The following TUSC3 variants were observed in gnomAD, a reference collection of about 807,000 sequenced individuals.
TUSC3 encodes dolichyl-diphosphooligosaccharide--protein glycosyltransferase subunit TUSC3.
Under a neutral mutation model 44.8 loss-of-function variants are expected in TUSC3, and 45 were observed. The ratio of observed to expected loss-of-function variants is 1.00; its 90% CI spans 0.79 to 1.29. TUSC3 has a LOEUF of 1.29. Among genes scored for constraint, TUSC3 ranks in the 50% most tolerant of loss-of-function variants. The pLI, the probability that TUSC3 is intolerant of heterozygous loss-of-function variation, is 0.00. For synonymous variants in TUSC3, 212 were observed against 152.9 expected, an observed-to-expected ratio of 1.39 and a Z score of -2.85; for missense variants, 519 against 437.9, an observed-to-expected ratio of 1.19 and a Z score of -1.65.
chr8:15,619,869 G>A (rs955175632), intron 1 of TUSC3, among the ~76,000 whole-genome samples: 5 of 152,084 alleles, frequency 3.3e-5, no homozygotes, highest in Non-Finnish European at 7.4e-5. Flanking sequence ...ATAGATCAAG[G>A]ATAATGGACA....
At chr8:15,687,252 T>A (rs1336556120) in intron 6 of TUSC3, among the ~76,000 whole-genome samples, 1 of 152,192 alleles carries the variant, frequency 6.6e-6, no homozygotes, top group Non-Finnish European at 1.5e-5. Flanking sequence ...GTAGTACAGA[T>A]ACATCATGCA....
At chr8:15,432,861 C>G (rs763994533) in intron 1 of TUSC3, among the ~76,000 whole-genome samples, 8 of 152,124 alleles carry the variant, frequency 5.3e-5, no homozygotes, top group South Asian at 2.1e-4. Flanking sequence ...TTCCTCTCTC[C>G]CAGGTCAGTT....
chr8:15,731,101 T>A lies in TUSC3; in HGVS notation c.862+372T>A, dbSNP rs181292439. Among the ~76,000 whole-genome samples, 1,293 of 152,232 alleles carry A rather than the reference T, an allele frequency of 8.5e-3. 10 individuals are homozygous for A. The highest frequency in any genetic ancestry group is 0.024 in the Middle Eastern group (7 of 294). Reference sequence around the variant, plus strand: ...CAGCTTAAAAAAGGTATTTTCGTACTGCTCCCCTTAAATATATGGTATGTC... The same window carrying A: ...CAGCTTAAAAAAGGTATTTTCGTACAGCTCCCCTTAAATATATGGTATGTC... On this transcript the variant is annotated intron_variant, in intron 7 of 10. Coordinates refer to ENST00000503731, the MANE Select transcript of TUSC3 (RefSeq NM_006765.4).
intron 2 of TUSC3, among the ~76,000 whole-genome samples, chr8:15,641,186 CCT>C (rs1355857560): frequency 6.6e-6 from 1 of 151,746 alleles, no homozygotes. Context: ...TGGTGAAACC[CCT>C]GTCTCTACCA....
the TUSC3 span, among the ~76,000 whole-genome samples, chr8:15,774,806 A>G: frequency 6.6e-6 from 1 of 152,068 alleles, no homozygotes; most frequent in Non-Finnish European, 1.5e-5. Flanking sequence ...CACACCCATC[A>G]GAATGTATTT....
chr8:15,763,695 ATC>A (rs1458097669), intron 10 of TUSC3, among the ~76,000 whole-genome samples: 1 of 152,116 alleles, frequency 6.6e-6, no homozygotes, highest in Non-Finnish European at 1.5e-5. Flanking sequence ...ATGTACAAGT[ATC>A]TCTGCTGATG....
intron 1 of TUSC3, among the ~76,000 whole-genome samples, chr8:15,445,891 C>T (rs555490114): frequency 8.3e-4 from 125 of 150,062 alleles, no homozygotes; most frequent in African/African-American, 2.7e-3. Context: ...ACTTCCCAGA[C>T]GGGGCGGCCG....
chr8:15,556,725 G>C (rs1330491880), intron 1 of TUSC3, among the ~76,000 whole-genome samples: 2 of 143,962 alleles, frequency 1.4e-5, no homozygotes, highest in African/African-American at 5.1e-5. Flanking sequence ...ATCTCATTGT[G>C]GTTTTGATTT....
intron 6 of TUSC3, among the ~76,000 whole-genome samples, chr8:15,698,397 A>C (rs966834212): frequency 1.3e-5 from 2 of 152,190 alleles, no homozygotes; most frequent in African/African-American, 4.8e-5. Context: ...ATAAGTATTA[A>C]CTATATATTG....
chr8:15,704,665 C>G (rs975556873), intron 6 of TUSC3, among the ~76,000 whole-genome samples: 14 of 151,802 alleles, frequency 9.2e-5, no homozygotes, highest in African/African-American at 3.1e-4. Flanking sequence ...TTTCTCTTTC[C>G]TAACCCACTG....
intron 1 of TUSC3, among the ~76,000 whole-genome samples, chr8:15,589,723 A>G (rs781533327): frequency 6.6e-5 from 10 of 152,248 alleles, no homozygotes; most frequent in African/African-American, 9.6e-5. Flanking sequence ...TTTTTTGTAC[A>G]TCATTTATAA....
chr8:15,759,318 C>G (rs1812072005), intron 10 of TUSC3, among the ~76,000 whole-genome samples: 1 of 152,006 alleles, frequency 6.6e-6, no homozygotes, highest in Non-Finnish European at 1.5e-5. Context: ...CTGACTTCCT[C>G]TCCAGTTTAA....
At chr8:15,794,999 T>C in the TUSC3 span, among the ~76,000 whole-genome samples, 2 of 152,150 alleles carry the variant, frequency 1.3e-5, no homozygotes, top group Non-Finnish European at 2.9e-5. Flanking sequence ...CTGATGAATT[T>C]TCCATGAGTA....
intron 2 of TUSC3, among the ~76,000 whole-genome samples, chr8:15,636,233 T>A (rs1219887576): frequency 6.6e-6 from 1 of 152,124 alleles, no homozygotes; most frequent in African/African-American, 2.4e-5. Flanking sequence ...CATCAGTTAC[T>A]CAGGCCTGGG....
chr8:15,822,384 T>C, the TUSC3 span, among the ~76,000 whole-genome samples: 1 of 152,220 alleles, frequency 6.6e-6, no homozygotes, highest in Admixed American at 6.5e-5. Flanking sequence ...CTCCATAAGG[T>C]CCCCTAGGGA....
At chr8:15,443,767 C>G (rs550370831) in intron 1 of TUSC3, among the ~76,000 whole-genome samples, 72 of 152,318 alleles carry the variant, frequency 4.7e-4, no homozygotes, top group African/African-American at 1.6e-3. Flanking sequence ...CTACAAGATT[C>G]TCACCCTCCC....
chr8:15,532,579 A>T (rs995150226), intron 2 of TUSC3, among the ~76,000 whole-genome samples: 2 of 152,178 alleles, frequency 1.3e-5, no homozygotes, highest in Non-Finnish European at 1.5e-5. Context: ...GTGTGGGCAG[A>T]TAAGAGACAA....
At chr8:15,809,514 T>G in the TUSC3 span, among the ~76,000 whole-genome samples, 2 of 152,220 alleles carry the variant, frequency 1.3e-5, no homozygotes, top group Non-Finnish European at 2.9e-5. Flanking sequence ...TGCCTGAAAC[T>G]GTAGATTGTA....
At chr8:15,637,154 A>G (rs67609215) in intron 2 of TUSC3, among the ~76,000 whole-genome samples, 49,968 of 151,980 alleles carry the variant, frequency 0.33, 9,031 homozygotes, top group Non-Finnish European at 0.4. Context: ...TACCAGTTCT[A>G]TTTCATTGTT....
Sources: allele counts gnomAD v4.1 joint callset (sites outside exome capture counted in the v4.1 genomes callset), GRCh38; gene constraint gnomAD v4.1.1; transcripts MANE v1.5; gene names NCBI Gene and HGNC (gene_info 2026-07-23, HGNC 2026-07-21).